The following MAP3K5 variants were observed in gnomAD, a reference collection of about 807,000 sequenced individuals.
MAP3K5 encodes mitogen-activated protein kinase kinase kinase 5, also known as ASK-1.
A neutral mutation model predicts 158.7 loss-of-function variants in MAP3K5; 56 were observed. The observed-to-expected ratio is 0.35, with a 90% CI of 0.28 to 0.44. The LOEUF (loss-of-function observed/expected upper bound fraction) is 0.44. MAP3K5 is among the 20% of genes least tolerant of loss of function. MAP3K5 has a pLI of 1.00. For synonymous variants in MAP3K5, 579 were observed against 601.7 expected, an observed-to-expected ratio of 0.96 and a Z score of 0.55; for missense variants, 1,294 against 1,674.8, an observed-to-expected ratio of 0.77 and a Z score of 3.97.
rs1321305076 is a variant in MAP3K5, at chr6:136,583,835, T to C, written c.3226-95A>G. On this transcript the variant is annotated intron_variant, in intron 23 of 29. Transcript: ENST00000359015. ...CATACCCCCTGCCCCCACATTTTTT[T>C]TTCTTTTGGTAGAGACAAGGTCTCA... 4 of 1,208,838 alleles carry C rather than the reference T, an allele frequency of 3.3e-6. No homozygotes were observed. The East Asian group carries it at 7.2e-5, about 22-fold the overall frequency. The allele number at this position is 1,208,838 out of a possible 1,614,324, so 74.9% of individuals were successfully genotyped here. A position where few individuals can be genotyped will look rare whatever the true frequency, so the allele number is the denominator to read the frequency against.
chr6:136,588,768 A>G (rs1775250553), intron 23 of MAP3K5, among the ~76,000 whole-genome samples: 1 of 152,230 alleles, frequency 6.6e-6, no homozygotes, highest in African/African-American at 2.4e-5. Flanking sequence ...GAAAGGCCAG[A>G]GAGAAAGCTG....
intron 2 of MAP3K5, among the ~76,000 whole-genome samples, chr6:136,711,638 G>T (rs1781312075): frequency 6.6e-6 from 1 of 150,882 alleles, no homozygotes; most frequent in Admixed American, 6.6e-5. Flanking sequence ...TGCACCCCAG[G>T]CTGGGTGGAC....
chr6:136,587,952 C>T (rs1775210712), intron 23 of MAP3K5, among the ~76,000 whole-genome samples: 1 of 152,168 alleles, frequency 6.6e-6, no homozygotes, highest in African/African-American at 2.4e-5. Context: ...CAAGGCAGTC[C>T]TATCCCTGAT....
At chr6:136,610,576 T>C (rs1258863702) in intron 18 of MAP3K5, among the ~76,000 whole-genome samples, 5 of 129,334 alleles carry the variant, frequency 3.9e-5, no homozygotes, top group Non-Finnish European at 5.0e-5. Context: ...CACAGAGAGG[T>C]TGGGCCAAGG....
rs368306999 is a variant in MAP3K5 at position 136,615,547 on chromosome 6, G to A, written c.2151-1261C>T. On this transcript the variant is annotated intron_variant, in intron 15 of 29. Transcript: ENST00000359015. ...CTTACAAGTAAACTGCTTAGTTTTG[G>A]TTTGGTGATGTGGAACCCTAGCATG... Among the ~76,000 whole-genome samples the A allele has an allele frequency of 2.6e-5, 4 of 152,240 alleles. No homozygotes were observed. In the East Asian group the frequency reaches 5.8e-4, roughly 22 times the overall value.
chr6:136,748,208 T>C (rs557910869), intron 1 of MAP3K5, among the ~76,000 whole-genome samples: 23 of 152,168 alleles, frequency 1.5e-4, no homozygotes, highest in Non-Finnish European at 2.8e-4. Context: ...CTGAATCAGG[T>C]GTGGATTATC....
At chr6:136,622,590 A>C (rs572117032) in intron 15 of MAP3K5, among the ~76,000 whole-genome samples, 2 of 152,156 alleles carry the variant, frequency 1.3e-5, no homozygotes, top group Admixed American at 6.6e-5. Flanking sequence ...CACATAATAC[A>C]TCCACCTTTA....
In MAP3K5 at chr6:136,578,778, C is replaced by T. The variant is rs141341865; in HGVS notation, c.3517+1523G>A. Among the ~76,000 whole-genome samples, 31 of 152,232 alleles carry T rather than the reference C, an allele frequency of 2.0e-4. No homozygotes were observed. The East Asian group carries it at 3.5e-3, about 17-fold the overall frequency. ...CGGATGCTCTCGCTCTCATGTCAAACACCCAAGTGTTCTATGAGAAGAGAG... is the reference window on the plus strand; with the variant it reads ...CGGATGCTCTCGCTCTCATGTCAAATACCCAAGTGTTCTATGAGAAGAGAG... On this transcript the variant is annotated intron_variant, in intron 25 of 29. Transcript: ENST00000359015.
At chr6:136,653,154 A>G (rs1467947297) in intron 10 of MAP3K5, among the ~76,000 whole-genome samples, 1 of 152,216 alleles carries the variant, frequency 6.6e-6, no homozygotes, top group East Asian at 1.9e-4. Flanking sequence ...CCGACGTTAG[A>G]TAATGAGTTG....
At chr6:136,758,502 A>C (rs1783603870) in intron 1 of MAP3K5, among the ~76,000 whole-genome samples, 1 of 152,218 alleles carries the variant, frequency 6.6e-6, no homozygotes, top group East Asian at 1.9e-4. Context: ...ATTTTTTTAA[A>C]AAAGCCATGG....
intron 1 of MAP3K5, among the ~76,000 whole-genome samples, chr6:136,786,142 G>C (rs1784835109): frequency 6.6e-6 from 1 of 152,150 alleles, no homozygotes; most frequent in East Asian, 1.9e-4. Flanking sequence ...GGGAGGCCAA[G>C]GCAGGCAGAT....
At chr6:136,734,221 C>T (rs769630177) in intron 1 of MAP3K5, among the ~76,000 whole-genome samples, 1 of 151,910 alleles carries the variant, frequency 6.6e-6, no homozygotes, top group Non-Finnish European at 1.5e-5. Flanking sequence ...GAGTTCGAGA[C>T]CAGCCTGGCC....
In MAP3K5 at chr6:136,567,673, G is replaced by A. The variant is rs1446565283; in HGVS notation, c.3719C>T (p.Ser1240Leu). 1.9e-6 allele frequency: 3 copies of A among 1,613,992 alleles called. No homozygotes were observed. The highest frequency in any genetic ancestry group is 2.5e-6 in the Non-Finnish European group (3 of 1,180,008). The change falls in exon 26 of 30, where the codon TCA becomes TTA. Residue 1240 changes from serine to leucine, a missense_variant. Coordinates refer to ENST00000359015, the MANE Select transcript of MAP3K5 (RefSeq NM_005923.4). ...VSHDSQSAHR[S>L]LNVQLGRMKI... ...CATCCTTCCAAGCTGTACATTCAGT[G>A]ACCGGTGAGCACTCTGGGAATCATG...
At chr6:136,771,245 C>T (rs1160297337) in intron 1 of MAP3K5, among the ~76,000 whole-genome samples, 1 of 152,138 alleles carries the variant, frequency 6.6e-6, no homozygotes, top group East Asian at 1.9e-4. Flanking sequence ...CTACTGCAAA[C>T]AGACAACTTA....
intron 21 of MAP3K5, among the ~76,000 whole-genome samples, chr6:136,593,265 T>G (rs1477358596): frequency 6.6e-6 from 1 of 152,258 alleles, no homozygotes; most frequent in Non-Finnish European, 1.5e-5. Flanking sequence ...CTAGTAGACA[T>G]GAGCTGCTTC....
At chr6:136,611,133 A>G (rs1776322112) in intron 18 of MAP3K5, 149 bp downstream of exon 18, 1 of 430,528 alleles carries the variant, frequency 2.3e-6, no homozygotes, top group Admixed American at 3.8e-5. Flanking sequence ...AAAAAAAAAA[A>G]AGAAAGAAAA....
intron 1 of MAP3K5, among the ~76,000 whole-genome samples, chr6:136,726,825 T>C (rs902667530): frequency 2.0e-5 from 3 of 152,204 alleles, no homozygotes; most frequent in African/African-American, 7.2e-5. Flanking sequence ...TCTTGTATCC[T>C]GAAATTTAAC....
rs1299828318 is a variant in MAP3K5 at position 136,637,175 on chromosome 6, C to G, written c.2016+150G>C. 2.3e-6 allele frequency: 3 copies of G among 1,318,206 alleles called. No individual in the cohort carries two copies. The African/African-American group carries it at 4.5e-5, about 20-fold the overall frequency. 81.7% of individuals were successfully genotyped at this position (1,318,206 alleles called of 1,614,324 possible). On this transcript the variant is annotated intron_variant, in intron 14 of 29. Transcript: ENST00000359015. ...TGTTTACTTTTTAGCCCCTTTTTAC[C>G]AAAGGAATTCTGGAAGTTGCTTTTA...
chr6:136,760,982 A>G (rs998251217), intron 1 of MAP3K5, among the ~76,000 whole-genome samples: 1 of 152,060 alleles, frequency 6.6e-6, no homozygotes, highest in Non-Finnish European at 1.5e-5. Context: ...ACAAAACGAA[A>G]CAAAACAAAA....
Sources: gnomAD v4.1 joint callset for allele counts (sites outside exome capture counted in the v4.1 genomes callset) on GRCh38, gnomAD v4.1.1 for gene constraint, MANE v1.5 for transcripts, NCBI Gene and HGNC (gene_info 2026-07-23, HGNC 2026-07-21) for gene names.